Variants in SV2C observed in about 807,000 individuals in gnomAD.
SV2C encodes the protein solute carrier family 22 member B3.
A neutral mutation model predicts 79.7 loss-of-function variants in SV2C; 49 were observed. The ratio of observed to expected loss-of-function variants is 0.61; its 90% CI spans 0.49 to 0.78. The LOEUF (loss-of-function observed/expected upper bound fraction) is 0.78, where lower values mean the gene tolerates loss of function less well. Ranked by LOEUF, SV2C falls within the 30% of genes least tolerant of loss-of-function variation. The pLI is 0.00. For missense variants in SV2C, 833 were observed against 912.9 expected, an observed-to-expected ratio of 0.91 and a Z score of 1.13; for synonymous variants, 334 against 333.2, an observed-to-expected ratio of 1.00 and a Z score of -0.03.
intron 2 of SV2C, among the ~76,000 whole-genome samples, chr5:76,163,125 T>C (rs992142405): frequency 4.6e-5 from 7 of 152,200 alleles, no homozygotes; most frequent in Non-Finnish European, 1.0e-4. Flanking sequence ...GCCTTGGTGC[T>C]CCATTAGCCC....
intron 4 of SV2C, among the ~76,000 whole-genome samples, chr5:76,232,510 G>A (rs1745456469): frequency 6.7e-6 from 1 of 148,974 alleles, no homozygotes; most frequent in South Asian, 2.1e-4. Context: ...TGAAGTCCTT[G>A]CCCATGCCTA....
intron 1 of SV2C, among the ~76,000 whole-genome samples, chr5:76,120,448 T>C (rs936102978): frequency 1.3e-5 from 2 of 148,570 alleles, no homozygotes; most frequent in South Asian, 2.1e-4. Context: ...ACATGTGCCA[T>C]GCTGGTATGC....
chr5:76,305,444 A>G (rs1431581460), intron 12 of SV2C, among the ~76,000 whole-genome samples: 2 of 152,128 alleles, frequency 1.3e-5, no homozygotes, highest in Admixed American at 6.5e-5. Flanking sequence ...ATGTGTCCTC[A>G]CTTCATATGA....
intron 12 of SV2C, among the ~76,000 whole-genome samples, chr5:76,304,644 G>C (rs1009668283): frequency 6.6e-6 from 1 of 152,218 alleles, no homozygotes; most frequent in African/African-American, 2.4e-5. Context: ...TTGGTGTCTT[G>C]GGTGAGAGCT....
the SV2C span, among the ~76,000 whole-genome samples, chr5:75,995,513 T>G: frequency 6.6e-6 from 1 of 152,026 alleles, no homozygotes; most frequent in African/African-American, 2.4e-5. Flanking sequence ...AAATAAAACA[T>G]CATTAATACA....
chr5:75,985,716 T>TA, the SV2C span, among the ~76,000 whole-genome samples: 2 of 151,630 alleles, frequency 1.3e-5, no homozygotes, highest in Non-Finnish European at 2.9e-5. Context: ...TTAAAAAAAG[T>TA]AAAAAAAGTG....
At chr5:76,010,736 A>AGGAAAAAAGGGTCCAGGCAGTAT in the SV2C span, among the ~76,000 whole-genome samples, 1 of 152,168 alleles carries the variant, frequency 6.6e-6, no homozygotes, top group South Asian at 2.1e-4. Context: ...GGTGTTCTGA[A>AGGAAAAAAGGGTCCAGGCAGTAT]GGAAAAAAGG....
chr5:76,294,016 A>G (rs920219103), intron 8 of SV2C, among the ~76,000 whole-genome samples: 3 of 152,148 alleles, frequency 2.0e-5, no homozygotes, highest in African/African-American at 7.2e-5. Flanking sequence ...GTGGTTCTCA[A>G]ACTTGAACGT....
the SV2C span, among the ~76,000 whole-genome samples, chr5:75,976,907 A>G: frequency 2.6e-5 from 4 of 152,228 alleles, no homozygotes; most frequent in Admixed American, 6.5e-5. Context: ...CAATGGGGAA[A>G]CACTAGAAAT....
At chr5:76,000,556 C>T in the SV2C span, among the ~76,000 whole-genome samples, 2 of 152,324 alleles carry the variant, frequency 1.3e-5, no homozygotes, top group African/African-American at 2.4e-5. Flanking sequence ...TCGAGAAGCC[C>T]TGCTCTAGCA....
the SV2C span, among the ~76,000 whole-genome samples, chr5:76,054,504 T>TAATGGGATTG: frequency 1.3e-5 from 2 of 152,208 alleles, no homozygotes; most frequent in Non-Finnish European, 2.9e-5. Context: ...TTTGGGTATA[T>TAATGGGATTG]ACCCAGTAAT....
chr5:76,024,181 CA>C, the SV2C span, among the ~76,000 whole-genome samples: 44,340 of 151,810 alleles, frequency 0.29, 7,251 homozygotes, highest in East Asian at 0.51. Context: ...GATAGATTAC[CA>C]AAATGAGATT....
chr5:75,878,522 A>G, the SV2C span, among the ~76,000 whole-genome samples: 4 of 152,160 alleles, frequency 2.6e-5, no homozygotes, highest in African/African-American at 9.7e-5. Context: ...TCTTCTCCAT[A>G]CTTTTATTAA....
At chr5:76,057,765 T>C in the SV2C span, among the ~76,000 whole-genome samples, 1,259 of 152,240 alleles carry the variant, frequency 8.3e-3, 14 homozygotes, top group Non-Finnish European at 0.014. Context: ...ACTACAATTA[T>C]TATTATCATA....
the SV2C span, among the ~76,000 whole-genome samples, chr5:75,997,567 G>A: frequency 6.6e-6 from 1 of 152,172 alleles, no homozygotes; most frequent in Admixed American, 6.5e-5. Context: ...AGACATTTAT[G>A]CAACCAAAAC....
At chr5:76,119,700 A>T (rs1748415343) in intron 1 of SV2C, among the ~76,000 whole-genome samples, 1 of 151,938 alleles carries the variant, frequency 6.6e-6, no homozygotes, top group Non-Finnish European at 1.5e-5. Flanking sequence ...TCAAAACCCT[A>T]TAGGGAAAAA....
At chr5:76,048,318 T>C in the SV2C span, among the ~76,000 whole-genome samples, 4 of 152,166 alleles carry the variant, frequency 2.6e-5, no homozygotes, top group Non-Finnish European at 5.9e-5. Context: ...CAAGAGAAGA[T>C]GGATGTCCCA....
intron 12 of SV2C, among the ~76,000 whole-genome samples, chr5:76,316,822 A>T (rs1249524872): frequency 6.6e-6 from 1 of 152,130 alleles, no homozygotes; most frequent in Non-Finnish European, 1.5e-5. Context: ...CTTTCCTTCA[A>T]CTGCCACTAC....
At chr5:75,883,970 GTAT>G in the SV2C span, among the ~76,000 whole-genome samples, 1 of 152,014 alleles carries the variant, frequency 6.6e-6, no homozygotes, top group Admixed American at 6.6e-5. Context: ...TTTCACAATG[GTAT>G]TATTTATTAG....
Sources: allele counts gnomAD v4.1 joint callset (sites outside exome capture counted in the v4.1 genomes callset), GRCh38; gene constraint gnomAD v4.1.1; transcripts MANE v1.5; gene names NCBI Gene and HGNC (gene_info 2026-07-23, HGNC 2026-07-21).